Variants in CDH23 observed in about 807,000 individuals in gnomAD.
CDH23 encodes the protein cadherin related 23.
A neutral mutation model predicts 317.1 loss-of-function variants in CDH23; 189 were observed. The ratio of observed to expected loss-of-function variants is 0.60; its 90% CI spans 0.53 to 0.67. The LOEUF (loss-of-function observed/expected upper bound fraction) is 0.67, where lower values mean the gene tolerates loss of function less well. Among genes scored for constraint, CDH23 ranks in the 30% least tolerant of loss-of-function variants. CDH23 has a pLI of 0.00. For missense variants in CDH23, 4,401 were observed against 4,592.4 expected (o/e 0.96, Z 1.20); for synonymous variants, 1,839 against 1,876.8 (o/e 0.98, Z 0.52).
chr10:71,489,052 G>T (rs539792493), intron 3 of CDH23, among the ~76,000 whole-genome samples: 7 of 152,288 alleles, frequency 4.6e-5, no homozygotes, highest in African/African-American at 1.7e-4. Context: ...GTTTTACTAT[G>T]ACCTATCTGG....
chr10:71,521,525 C>T (rs1256784709), intron 6 of CDH23, among the ~76,000 whole-genome samples: 1 of 152,198 alleles, frequency 6.6e-6, no homozygotes, highest in African/African-American at 2.4e-5. Flanking sequence ...TGCCACCCAG[C>T]CTTTGTTCCT....
chr10:71,683,821 C>T (rs948089878), intron 18 of CDH23, among the ~76,000 whole-genome samples: 3 of 151,954 alleles, frequency 2.0e-5, no homozygotes, highest in Admixed American at 6.6e-5. Flanking sequence ...CTGGGCTGGG[C>T]GCGGTAATCC....
intron 1 of CDH23, among the ~76,000 whole-genome samples, chr10:71,403,475 TTCC>T (rs1847947963): frequency 2.5e-5 from 3 of 120,586 alleles, no homozygotes; most frequent in African/African-American, 3.5e-5. Flanking sequence ...CCTTCCTTCC[TTCC>T]TTCCTTCCTT....
At chr10:71,574,919 C>A (rs1435038067) in intron 8 of CDH23, among the ~76,000 whole-genome samples, 2 of 152,182 alleles carry the variant, frequency 1.3e-5, no homozygotes, top group African/African-American at 4.8e-5. Flanking sequence ...CCACACTGCC[C>A]TCCATTCCCC....
intron 6 of CDH23, among the ~76,000 whole-genome samples, chr10:71,534,158 C>T (rs1855570859): frequency 6.6e-6 from 1 of 152,182 alleles, no homozygotes; most frequent in Admixed American, 6.5e-5. Context: ...CCAGATCCCA[C>T]TGGTTCCTTC....
chr10:71,464,989 G>A (rs1306749581), intron 3 of CDH23, among the ~76,000 whole-genome samples: 1 of 152,218 alleles, frequency 6.6e-6, no homozygotes, highest in Non-Finnish European at 1.5e-5. Context: ...AACAACCTAG[G>A]ATGAAGACAC....
intron 6 of CDH23, among the ~76,000 whole-genome samples, chr10:71,537,971 G>A (rs1314030742): frequency 6.6e-6 from 1 of 152,202 alleles, no homozygotes; most frequent in African/African-American, 2.4e-5. Flanking sequence ...TCAGTAGGGA[G>A]CCCTGCACAG....
intron 14 of CDH23, among the ~76,000 whole-genome samples, chr10:71,667,359 A>AGAGAGAGAGTGTGTGTGTGTGT (rs58361666): frequency 1.6e-3 from 176 of 112,086 alleles, no homozygotes; most frequent in Middle Eastern, 4.3e-3. Context: ...AGAGAGAGAG[A>AGAGAGAGAGTGTGTGTGTGTGT]GTGTGTGTGT....
rs376133194 is a variant in CDH23 at position 71,770,335 on chromosome 10, A to G, written c.4846-7345A>G. Reference sequence around the variant, plus strand: ...GAGGGAGGGGAACTTGCTCAGGGAGACTGAATAACTTGTCCAATATCACAG... The same window carrying G: ...GAGGGAGGGGAACTTGCTCAGGGAGGCTGAATAACTTGTCCAATATCACAG... On this transcript the variant is annotated intron_variant, in intron 38 of 69. Coordinates refer to ENST00000224721, the MANE Select transcript of CDH23 (RefSeq NM_022124.6). 3.9e-5 allele frequency among the ~76,000 whole-genome samples: 6 copies of G among 152,326 alleles called. No individual in the cohort carries two copies. In the South Asian group the frequency reaches 1.2e-3, roughly 32 times the overall value.
At chr10:71,680,865 G>C (rs1222280922) in intron 17 of CDH23, among the ~76,000 whole-genome samples, 5 of 75,464 alleles carry the variant, frequency 6.6e-5, no homozygotes, top group African/African-American at 2.6e-4. Context: ...GTTTTACTCT[G>C]TCACCCAGGC....
intron 38 of CDH23, among the ~76,000 whole-genome samples, chr10:71,777,074 G>C (rs1268986844): frequency 6.6e-6 from 1 of 152,196 alleles, no homozygotes; most frequent in Non-Finnish European, 1.5e-5. Context: ...AGCTGTTCTT[G>C]GAATGAAGTT....
intron 38 of CDH23, among the ~76,000 whole-genome samples, chr10:71,770,737 A>C (rs1840666456): frequency 6.6e-6 from 1 of 152,186 alleles, no homozygotes; most frequent in Non-Finnish European, 1.5e-5. Flanking sequence ...TTAGCGTCTC[A>C]GCAGCACACT....
intron 3 of CDH23, among the ~76,000 whole-genome samples, chr10:71,469,329 A>T (rs2132081761): frequency 6.6e-6 from 1 of 152,198 alleles, no homozygotes; most frequent in African/African-American, 2.4e-5. Flanking sequence ...GCAACCTTGG[A>T]GCTGCTCCCT....
intron 9 of CDH23, among the ~76,000 whole-genome samples, chr10:71,603,095 T>C (rs1250739978): frequency 6.6e-6 from 1 of 152,114 alleles, no homozygotes; most frequent in Non-Finnish European, 1.5e-5. Flanking sequence ...GTGTCCCCAC[T>C]TCCCGAGAAG....
chr10:71,490,236 G>A (rs576302957), intron 3 of CDH23, among the ~76,000 whole-genome samples: 8 of 152,142 alleles, frequency 5.3e-5, no homozygotes, highest in South Asian at 4.1e-4. Flanking sequence ...CATTTAATAC[G>A]TTTAAACACA....
At chr10:71,482,625 C>G (rs980259116) in intron 3 of CDH23, among the ~76,000 whole-genome samples, 8 of 152,148 alleles carry the variant, frequency 5.3e-5, no homozygotes, top group African/African-American at 1.7e-4. Context: ...GACTGCTGGG[C>G]AGGTGGAGGG....
intron 12 of CDH23, 129 bp from the exon 13 acceptor site, chr10:71,645,702 G>A (rs1209132697): frequency 2.0e-6 from 2 of 1,025,528 alleles, no homozygotes; most frequent in African/African-American, 3.1e-5. Flanking sequence ...CTCTGTCCCA[G>A]CGCCTCATCC....
rs75153983 is a variant in CDH23, at chr10:71,773,684, C to A, written c.4846-3996C>A. Among the ~76,000 whole-genome samples, 651 of 152,318 alleles carry A rather than the reference C, an allele frequency of 4.3e-3. 10 individuals are homozygous for A. The highest frequency in any genetic ancestry group is 0.029 in the Admixed American group (448 of 15,308). ...GCCCCGTGGGTGGGGAGCCAGCGTG[C>A]GTCCCAGCGAGTCAGCTCCACTTGA... On this transcript the variant is annotated intron_variant, in intron 38 of 69. Coordinates refer to ENST00000224721, the MANE Select transcript of CDH23 (RefSeq NM_022124.6).
At chr10:71,595,215 AT>A (rs1223575031) in intron 9 of CDH23, among the ~76,000 whole-genome samples, 1 of 152,176 alleles carries the variant, frequency 6.6e-6, no homozygotes, top group African/African-American at 2.4e-5. Flanking sequence ...GCTGCCTTTC[AT>A]TGTACCATCT....
Sources: gnomAD v4.1 joint callset for allele counts (sites outside exome capture counted in the v4.1 genomes callset) on GRCh38, gnomAD v4.1.1 for gene constraint, MANE v1.5 for transcripts, NCBI Gene and HGNC (gene_info 2026-07-23, HGNC 2026-07-21) for gene names.